The following SDHC variants were observed in gnomAD, a reference collection of about 807,000 sequenced individuals.
SDHC encodes the protein succinate dehydrogenase complex subunit C, also known as succinate dehydrogenase cytochrome b560 subunit, mitochondrial.
Under a neutral mutation model 22.6 loss-of-function variants are expected in SDHC, and 11 were observed. That is an observed-to-expected ratio of 0.49 (90% CI 0.31 to 0.81). The LOEUF (loss-of-function observed/expected upper bound fraction) is 0.81. SDHC is among the 30% of genes least tolerant of loss of function. The probability of loss-of-function intolerance (pLI) is 0.05; values close to 1 mark genes in which losing one functional copy is unlikely to be tolerated. For missense variants in SDHC, 160 were observed against 212.0 expected (o/e 0.75, Z 1.52); for synonymous variants, 80 against 77.8 (o/e 1.03, Z -0.15).
At chr1:161,348,611 A>C (rs1173559513) in intron 4 of SDHC, among the ~76,000 whole-genome samples, 1 of 147,796 alleles carries the variant, frequency 6.8e-6, no homozygotes, top group East Asian at 2.1e-4. Flanking sequence ...ACCTGAGATC[A>C]GGAGTTTGAG....
intron 3 of SDHC, among the ~76,000 whole-genome samples, chr1:161,330,852 T>G (rs1052494709): frequency 2.0e-5 from 3 of 151,966 alleles, no homozygotes; most frequent in African/African-American, 7.2e-5. Context: ...TACAAAAAAT[T>G]AGCCAGGTGT....
At position 161,362,548 on chromosome 1, in the gene SDHC, T is replaced by C. The variant is rs886045478; in HGVS notation, c.*115T>C. 1.2e-6 allele frequency: 2 copies of C among 1,608,618 alleles called. No individual in the cohort carries two copies. Among genetic ancestry groups the C allele is most frequent in the Admixed American group, 1.7e-5 (1 of 59,580 alleles). ...TTCTCCTTATTTGTTTAGATCCTTT[T>C]GTATTTTCAGATCTCCTTGGAGCAG... On this transcript the variant is annotated 3_prime_UTR_variant, in exon 6 of 6. Coordinates refer to ENST00000367975, the MANE Select transcript of SDHC (RefSeq NM_003001.5).
intron 3 of SDHC, among the ~76,000 whole-genome samples, chr1:161,335,178 T>G (rs1198056078): frequency 3.3e-5 from 5 of 152,198 alleles, no homozygotes; most frequent in African/African-American, 1.2e-4. Context: ...GGAATACCCC[T>G]GCGGTAATGC....
At chr1:161,326,387 C>T (rs543072236) in intron 2 of SDHC, among the ~76,000 whole-genome samples, 1 of 151,970 alleles carries the variant, frequency 6.6e-6, no homozygotes, top group African/African-American at 2.4e-5. Flanking sequence ...CAAGAGAGGG[C>T]TCTTGGATCT....
intron 4 of SDHC, 70 bp from the exon 5 acceptor site, chr1:161,356,607 C>T: frequency 6.7e-7 from 1 of 1,491,346 alleles, no homozygotes; most frequent in Non-Finnish European, 9.3e-7. Flanking sequence ...TGCCAGGGGT[C>T]CCAGTTTTAT....
Position 161,340,614 on chromosome 1 carries a change from T to A in SDHC, c.200T>A (p.Met67Lys), listed in dbSNP as rs1287584713. Residue 67 changes from methionine to lysine, a missense_variant, in exon 4 of 6, where the codon ATG becomes AAG. This residue lies in a region of SDHC where 74 missense variants were observed against 128.6 expected (regional missense o/e 0.58). Transcript: ENST00000367975. Reference sequence around the variant, plus strand: ...TACAGTTGGTCTCTTCCCATGGCGATGTCCATCTGCCACCGTGGCACTGGT... The same window carrying A: ...TACAGTTGGTCTCTTCCCATGGCGAAGTCCATCTGCCACCGTGGCACTGGT... Reference protein sequence around the residue: ...TIYSWSLPMAMSICHRGTGIA... With the variant: ...TIYSWSLPMAKSICHRGTGIA... 6.2e-7 allele frequency: 1 copy of A among 1,613,972 alleles called. No individual in the cohort carries two copies. Among genetic ancestry groups the A allele is most frequent in the Non-Finnish European group, 8.5e-7 (1 of 1,179,832 alleles).
At chr1:161,341,804 T>C (rs139663432) in intron 4 of SDHC, among the ~76,000 whole-genome samples, 130 of 152,286 alleles carry the variant, frequency 8.5e-4, no homozygotes, top group African/African-American at 2.9e-3. Context: ...TTCATAATCA[T>C]AGTTGTAATT....
intron 4 of SDHC, 111 bp downstream of exon 4, chr1:161,340,766 CA>C: frequency 1.2e-6 from 1 of 809,752 alleles, no homozygotes; most frequent in Non-Finnish European, 2.2e-6. Flanking sequence ...TTAGAGGGAA[CA>C]GTAAGTCTCT....
At chr1:161,328,584 C>T (rs1329087509) in intron 3 of SDHC, 87 bp downstream of exon 3, 66 of 927,720 alleles carry the variant, frequency 7.1e-5, no homozygotes, top group Non-Finnish European at 5.5e-5. Flanking sequence ...ATACTTCCCT[C>T]ACTTTTACTC....
intron 5 of SDHC, among the ~76,000 whole-genome samples, chr1:161,360,205 A>G (rs1304831055): frequency 1.3e-5 from 2 of 151,884 alleles, no homozygotes; most frequent in Admixed American, 6.6e-5. Flanking sequence ...GACTTATAAT[A>G]TAATATTAAT....
At chr1:161,347,581 T>C (rs1474358464) in intron 4 of SDHC, among the ~76,000 whole-genome samples, 2 of 151,182 alleles carry the variant, frequency 1.3e-5, no homozygotes, top group Admixed American at 6.6e-5. Context: ...GAATGGTGTT[T>C]ATGGGGCCAG....
intron 3 of SDHC, among the ~76,000 whole-genome samples, chr1:161,332,118 C>G (rs1425890267): frequency 6.6e-6 from 1 of 152,120 alleles, no homozygotes. Context: ...GCTGGGACTA[C>G]AGGTGCATGC....
chr1:161,351,707 T>C (rs928341423), intron 4 of SDHC, among the ~76,000 whole-genome samples: 15 of 152,192 alleles, frequency 9.9e-5, no homozygotes, highest in Non-Finnish European at 2.2e-4. Context: ...ACGTGAGTAC[T>C]CTTGACCTCA....
At chr1:161,332,664 G>A (rs1221416255) in intron 3 of SDHC, among the ~76,000 whole-genome samples, 1 of 142,736 alleles carries the variant, frequency 7.0e-6, no homozygotes, top group East Asian at 2.0e-4. Context: ...ATGGAGTCTC[G>A]CTCTGTTGCC....
At chr1:161,340,516 A>G (rs1671681897) in intron 3 of SDHC, 78 bp from the exon 4 acceptor site, 4 of 1,253,302 alleles carry the variant, frequency 3.2e-6, no homozygotes, top group South Asian at 2.5e-5. Flanking sequence ...GAATTAGTTT[A>G]TATTTTTGCC....
In SDHC at chr1:161,314,394, C is replaced by G. The variant is rs758726123; in HGVS notation, c.-12C>G. ...CCGCCTGGCGTCACTTCCGTCCAGA[C>G]CGGAACCCAAGATGGCTGCGCTGTT... On this transcript the variant is annotated 5_prime_UTR_variant, in exon 1 of 6. Transcript: ENST00000367975. 18 of 1,614,002 alleles carry G rather than the reference C, an allele frequency of 1.1e-5. No homozygotes were observed. In the East Asian group the frequency reaches 2.9e-4, roughly 26 times the overall value.
chr1:161,344,531 G>T (rs1167631265), intron 4 of SDHC, among the ~76,000 whole-genome samples: 1 of 152,002 alleles, frequency 6.6e-6, no homozygotes, highest in Non-Finnish European at 1.5e-5. Flanking sequence ...GCATTCATCA[G>T]CATATGTCCT....
chr1:161,316,294 C>T (rs1031755550), intron 1 of SDHC, among the ~76,000 whole-genome samples: 1 of 152,252 alleles, frequency 6.6e-6, no homozygotes. Context: ...CAGACTATCA[C>T]ATGGGGAGAA....
chr1:161,334,282 C>T (rs552122612), intron 3 of SDHC, among the ~76,000 whole-genome samples: 1 of 152,298 alleles, frequency 6.6e-6, no homozygotes, highest in African/African-American at 2.4e-5. Context: ...CTTCCGTCAT[C>T]TCATTTCTTC....
Sources: gnomAD v4.1 joint callset for allele counts (sites outside exome capture counted in the v4.1 genomes callset) on GRCh38, gnomAD v4.1.1 for gene constraint, gnomAD v4.1.1 regional missense constraint, MANE v1.5 for transcripts, NCBI Gene and HGNC (gene_info 2026-07-23, HGNC 2026-07-21) for gene names.